FMN1: variants seen among roughly 807,000 people sequenced by gnomAD.
FMN1 encodes formin-1.
Under a neutral mutation model 132.4 loss-of-function variants are expected in FMN1, and 110 were observed. The ratio of observed to expected loss-of-function variants is 0.83; its 90% CI spans 0.71 to 0.97. The LOEUF (loss-of-function observed/expected upper bound fraction) is 0.97, where lower values mean the gene tolerates loss of function less well. Among genes scored for constraint, FMN1 ranks in the 50% least tolerant of loss-of-function variants. The pLI, the probability that FMN1 is intolerant of heterozygous loss-of-function variation, is 0.00. For missense variants in FMN1, 1,792 were observed against 1,705.3 expected (o/e 1.05, Z -0.90); for synonymous variants, 722 against 651.7 (o/e 1.11, Z -1.64).
At chr15:32,959,629 A>G (rs1475601435) in intron 9 of FMN1, among the ~76,000 whole-genome samples, 1 of 152,196 alleles carries the variant, frequency 6.6e-6, no homozygotes, top group South Asian at 2.1e-4. Flanking sequence ...AGAAAACTTA[A>G]AGAGTTTAAA....
chr15:32,854,304 C>T (rs1172987652), intron 17 of FMN1, among the ~76,000 whole-genome samples: 1 of 152,148 alleles, frequency 6.6e-6, no homozygotes, highest in Non-Finnish European at 1.5e-5. Flanking sequence ...TAGTGCTTGC[C>T]ACATCGAACA....
intron 6 of FMN1, among the ~76,000 whole-genome samples, chr15:33,049,170 GTTTTGGTC>G (rs1260933071): frequency 6.6e-6 from 1 of 152,144 alleles, no homozygotes; most frequent in Non-Finnish European, 1.5e-5. Context: ...AAGGCCCTAA[GTTTTGGTC>G]ACATTGTAAC....
intron 17 of FMN1, among the ~76,000 whole-genome samples, chr15:32,841,712 T>C (rs1480556195): frequency 6.6e-6 from 1 of 152,204 alleles, no homozygotes; most frequent in African/African-American, 2.4e-5. Flanking sequence ...TTTCCTTCTG[T>C]GTAGTAACAC....
intron 17 of FMN1, among the ~76,000 whole-genome samples, chr15:32,806,852 G>C (rs933604860): frequency 6.6e-6 from 1 of 152,082 alleles, no homozygotes. Context: ...ACCATCCCTT[G>C]CCACTCATCA....
intron 4 of FMN1, among the ~76,000 whole-genome samples, 174 bp from the exon 5 acceptor site, chr15:33,089,148 A>G (rs1403157647): frequency 2.6e-5 from 4 of 152,208 alleles, no homozygotes; most frequent in Non-Finnish European, 4.4e-5. Context: ...GACAATTTCT[A>G]GATCACACCA....
intron 17 of FMN1, among the ~76,000 whole-genome samples, chr15:32,822,449 G>C (rs553984141): frequency 6.6e-6 from 1 of 152,182 alleles, no homozygotes; most frequent in South Asian, 2.1e-4. Context: ...TTTAATGACA[G>C]TTTGGTTAAA....
intron 9 of FMN1, among the ~76,000 whole-genome samples, chr15:32,935,009 C>T (rs1028920219): frequency 4.0e-5 from 6 of 151,784 alleles, no homozygotes; most frequent in Non-Finnish European, 8.8e-5. Flanking sequence ...GCAACCTCTG[C>T]CTCCTGAGTT....
chr15:32,890,301 C>T (rs2059996551), intron 15 of FMN1, among the ~76,000 whole-genome samples: 1 of 152,180 alleles, frequency 6.6e-6, no homozygotes, highest in African/African-American at 2.4e-5. Flanking sequence ...AGTGGGATTG[C>T]TAGATCAAAT....
rs578042200 is a variant in FMN1, at chr15:33,164,709, C to T, written c.-131-9664G>A. Among the ~76,000 whole-genome samples the T allele has an allele frequency of 3.3e-5, 5 of 152,290 alleles. 1 individual carries two copies. The East Asian group carries it at 9.6e-4, about 29-fold the overall frequency. ...GATCCTCAACACATCACTGGTTTTA[C>T]ATCACTATCTGGCTAACATCATCAT... On this transcript the variant is annotated intron_variant, in intron 3 of 20. Transcript: ENST00000616417.
At chr15:33,090,225 T>C (rs2038856181) in intron 4 of FMN1, among the ~76,000 whole-genome samples, 1 of 152,166 alleles carries the variant, frequency 6.6e-6, no homozygotes, top group South Asian at 2.1e-4. Flanking sequence ...TTATTACACA[T>C]AATCCCTGTA....
At chr15:32,981,537 A>T (rs951108025) in intron 7 of FMN1, among the ~76,000 whole-genome samples, 129 of 123,218 alleles carry the variant, frequency 1.0e-3, no homozygotes, top group Middle Eastern at 4.1e-3. Context: ...TAATAATAAT[A>T]ATAATAATTA....
chr15:32,934,962 G>GC (rs2061225900), intron 9 of FMN1, among the ~76,000 whole-genome samples: 1 of 145,928 alleles, frequency 6.9e-6, no homozygotes, highest in African/African-American at 2.6e-5. Context: ...TTGCTCTGTC[G>GC]CCCAGACAGA....
rs1011537614 is a variant in FMN1 at position 32,773,660 on chromosome 15, T to C, written c.*650A>G. ...GGTAACTTGTTCTCCAGGATGAAGT[T>C]TATGGCTATTTGTCTCCCTCTCTCC... On this transcript the variant is annotated 3_prime_UTR_variant, in exon 21 of 21. Coordinates refer to ENST00000616417, the MANE Select transcript of FMN1 (RefSeq NM_001277313.2). The C allele has an allele frequency of 2.0e-5, 3 of 152,286 alleles. No homozygotes were observed. Among genetic ancestry groups the C allele is most frequent in the African/African-American group, 7.2e-5 (3 of 41,456 alleles). The allele number at this position is 152,286 out of a possible 1,614,324, so 9.4% of individuals were successfully genotyped here. A position where few individuals can be genotyped will look rare whatever the true frequency, so the allele number is the denominator to read the frequency against.
At chr15:33,019,644 C>T (rs910774117) in intron 6 of FMN1, among the ~76,000 whole-genome samples, 4 of 152,212 alleles carry the variant, frequency 2.6e-5, no homozygotes, top group Admixed American at 6.5e-5. Context: ...AGCTAAGCCC[C>T]GGGGACAAAT....
intron 16 of FMN1, among the ~76,000 whole-genome samples, chr15:32,873,046 C>G (rs191579803): frequency 1.5e-3 from 235 of 152,332 alleles, no homozygotes; most frequent in Non-Finnish European, 2.0e-3. Context: ...ATGGAGCTGG[C>G]AGCCACTGCT....
intron 5 of FMN1, among the ~76,000 whole-genome samples, chr15:33,069,400 A>C (rs986637166): frequency 9.8e-5 from 15 of 152,340 alleles, no homozygotes; most frequent in Middle Eastern, 3.4e-3. Context: ...GAGGCAAGTC[A>C]AACTGGCTGA....
chr15:32,924,015 T>C (rs1013981815), intron 10 of FMN1, among the ~76,000 whole-genome samples: 2 of 152,210 alleles, frequency 1.3e-5, no homozygotes, highest in Admixed American at 6.5e-5. Context: ...TTCAAAACAG[T>C]CAGTCCTTTA....
At chr15:32,986,258 G>A (rs1001860721) in intron 7 of FMN1, among the ~76,000 whole-genome samples, 5 of 152,142 alleles carry the variant, frequency 3.3e-5, no homozygotes, top group African/African-American at 1.2e-4. Context: ...GGCTGACAGT[G>A]TACAAATGAT....
At chr15:32,889,164 T>C (rs185732174) in intron 15 of FMN1, among the ~76,000 whole-genome samples, 2 of 152,326 alleles carry the variant, frequency 1.3e-5, no homozygotes, top group Admixed American at 1.3e-4. Context: ...GTCTGGCTTA[T>C]CTTAGGAGAC....
Sources: gnomAD v4.1 joint callset for allele counts (sites outside exome capture counted in the v4.1 genomes callset) on GRCh38, gnomAD v4.1.1 for gene constraint, MANE v1.5 for transcripts, NCBI Gene and HGNC (gene_info 2026-07-23, HGNC 2026-07-21) for gene names.